ZNF804B: variants seen among roughly 807,000 people sequenced by gnomAD.
ZNF804B encodes the protein zinc finger protein 804B, also known as zinc finger 804B.
ZNF804B carries 80 observed loss-of-function variants against 101.4 expected under a neutral mutation model. The ratio of observed to expected loss-of-function variants is 0.79; its 90% CI spans 0.66 to 0.95. The LOEUF is 0.95. Among genes scored for constraint, ZNF804B ranks in the 40% least tolerant of loss-of-function variants. ZNF804B has a pLI of 0.00. For missense variants in ZNF804B, 1,673 were observed against 1,561.9 expected (o/e 1.07, Z -1.20); for synonymous variants, 622 against 558.8 (o/e 1.11, Z -1.59).
intron 1 of ZNF804B, among the ~76,000 whole-genome samples, chr7:89,203,259 C>T (rs933284889): frequency 2.0e-5 from 3 of 152,136 alleles, no homozygotes; most frequent in East Asian, 1.9e-4. Context: ...GATAATTAGG[C>T]TTTCTGACTC....
chr7:89,166,516 A>G (rs547830090), intron 1 of ZNF804B, among the ~76,000 whole-genome samples: 5 of 152,308 alleles, frequency 3.3e-5, no homozygotes, highest in African/African-American at 1.2e-4. Flanking sequence ...TCTGTTTGCA[A>G]GACGAATTGT....
At chr7:88,939,564 C>CT (rs1793026615) in intron 1 of ZNF804B, among the ~76,000 whole-genome samples, 1 of 151,854 alleles carries the variant, frequency 6.6e-6, no homozygotes, top group Admixed American at 6.6e-5. Flanking sequence ...GGAAATGAAT[C>CT]TATCATGTCA....
chr7:89,002,410 C>A (rs1244123988), intron 1 of ZNF804B, among the ~76,000 whole-genome samples: 1 of 151,752 alleles, frequency 6.6e-6, no homozygotes, highest in African/African-American at 2.4e-5. Context: ...TTGCATTTTT[C>A]TTGCTTTTCT....
chr7:88,763,150 G>A (rs981509493), intron 1 of ZNF804B, among the ~76,000 whole-genome samples: 7 of 152,100 alleles, frequency 4.6e-5, no homozygotes, highest in African/African-American at 1.7e-4. Context: ...TATAGGTAAA[G>A]TAGTTGTGTA....
intron 1 of ZNF804B, among the ~76,000 whole-genome samples, chr7:89,083,315 A>G (rs1789724927): frequency 6.6e-6 from 1 of 151,818 alleles, no homozygotes; most frequent in Non-Finnish European, 1.5e-5. Flanking sequence ...ACTTTCTGAA[A>G]TATCATGAGC....
chr7:89,329,494 T>C lies in ZNF804B; in HGVS notation c.380+2020T>C, dbSNP rs1287612944. Among the ~76,000 whole-genome samples the C allele has an allele frequency of 2.0e-5, 3 of 151,756 alleles. No individual in the cohort carries two copies. The East Asian group carries it at 5.8e-4, about 29-fold the overall frequency. ...CCTTTTTCCTCATAATGAGGGCTTC[T>C]GAATAGGATGATCCAGGTAACACAA... On this transcript the variant is annotated intron_variant, in intron 3 of 3. Coordinates refer to ENST00000333190, the MANE Select transcript of ZNF804B (RefSeq NM_181646.5).
chr7:89,282,628 G>C (rs866116261), intron 2 of ZNF804B, among the ~76,000 whole-genome samples: 1 of 152,160 alleles, frequency 6.6e-6, no homozygotes, highest in African/African-American at 2.4e-5. Context: ...CTTTGCTGCT[G>C]TGATCAAAAT....
At chr7:88,912,037 C>CT (rs916462463) in intron 1 of ZNF804B, among the ~76,000 whole-genome samples, 6 of 151,710 alleles carry the variant, frequency 4.0e-5, no homozygotes, top group African/African-American at 1.2e-4. Context: ...ATTTGTAATG[C>CT]TTTGTAATGT....
intron 1 of ZNF804B, among the ~76,000 whole-genome samples, chr7:89,022,391 C>G (rs1223979278): frequency 6.6e-6 from 1 of 152,122 alleles, no homozygotes; most frequent in Non-Finnish European, 1.5e-5. Context: ...AATCTGTAAA[C>G]AAACAATTGG....
intron 1 of ZNF804B, among the ~76,000 whole-genome samples, chr7:89,040,372 A>G (rs1788998127): frequency 6.6e-6 from 1 of 151,800 alleles, no homozygotes; most frequent in Admixed American, 6.6e-5. Context: ...CTTCTACTTG[A>G]TTGAATCTTG....
intron 1 of ZNF804B, among the ~76,000 whole-genome samples, chr7:88,999,270 A>G (rs1232945276): frequency 6.6e-6 from 1 of 152,078 alleles, no homozygotes; most frequent in Non-Finnish European, 1.5e-5. Context: ...AGTACATTTT[A>G]TAATATTGGT....
intron 1 of ZNF804B, among the ~76,000 whole-genome samples, chr7:89,001,008 G>A (rs2116171771): frequency 6.8e-6 from 1 of 146,780 alleles, no homozygotes; most frequent in Admixed American, 6.9e-5. Flanking sequence ...TATATATAAT[G>A]TATAGTATAA....
intron 2 of ZNF804B, among the ~76,000 whole-genome samples, chr7:89,258,758 TA>T (rs1382685025): frequency 7.0e-6 from 1 of 142,226 alleles, no homozygotes; most frequent in Non-Finnish European, 1.6e-5. Context: ...TACAATAAAG[TA>T]AGCTAGAGAG....
intron 2 of ZNF804B, among the ~76,000 whole-genome samples, chr7:89,243,762 T>TTTTG (rs1789406300): frequency 6.6e-6 from 1 of 151,778 alleles, no homozygotes; most frequent in Non-Finnish European, 1.5e-5. Flanking sequence ...GTTTTGTTTT[T>TTTTG]TTTTATTAAC....
intron 1 of ZNF804B, among the ~76,000 whole-genome samples, chr7:88,877,134 A>G (rs1375009005): frequency 7.7e-6 from 1 of 129,468 alleles, no homozygotes; most frequent in Non-Finnish European, 1.5e-5. Context: ...ATCTCAGCTC[A>G]CTGAAACCTC....
At chr7:89,072,021 C>G (rs1157378199) in intron 1 of ZNF804B, among the ~76,000 whole-genome samples, 3 of 152,122 alleles carry the variant, frequency 2.0e-5, no homozygotes, top group African/African-American at 4.8e-5. Flanking sequence ...CTAACCTAAG[C>G]TAGTCTGATA....
intron 1 of ZNF804B, among the ~76,000 whole-genome samples, chr7:88,862,059 G>T (rs573405960): frequency 1.3e-5 from 2 of 152,224 alleles, no homozygotes; most frequent in East Asian, 3.9e-4. Context: ...CTACCATCTG[G>T]CATGGCTAAG....
intron 1 of ZNF804B, among the ~76,000 whole-genome samples, chr7:89,009,451 A>G (rs967770709): frequency 1.3e-5 from 2 of 152,190 alleles, no homozygotes; most frequent in African/African-American, 4.8e-5. Context: ...TGAAAACACT[A>G]TATATCTTGA....
At chr7:89,094,135 T>G (rs1047696655) in intron 1 of ZNF804B, among the ~76,000 whole-genome samples, 2 of 152,230 alleles carry the variant, frequency 1.3e-5, no homozygotes, top group African/African-American at 4.8e-5. Flanking sequence ...TAATATTTAT[T>G]GCAAGCTATT....
Sources: gnomAD v4.1 joint callset for allele counts (sites outside exome capture counted in the v4.1 genomes callset) on GRCh38, gnomAD v4.1.1 for gene constraint, MANE v1.5 for transcripts, NCBI Gene and HGNC (gene_info 2026-07-23, HGNC 2026-07-21) for gene names.